LOXL4: variants seen among roughly 807,000 people sequenced by gnomAD.
LOXL4 encodes lysyl oxidase homolog 4.
In LOXL4, 72 loss-of-function variants were observed where a neutral mutation model predicts 89.1. The observed-to-expected ratio is 0.81, with a 90% CI of 0.67 to 0.98. The LOEUF is 0.98. Ranked by LOEUF, LOXL4 falls within the 50% of genes least tolerant of loss-of-function variation. The pLI is 0.00. For synonymous variants in LOXL4, 355 were observed against 392.1 expected (o/e 0.91, Z 1.12); for missense variants, 984 against 1,017.5 (o/e 0.97, Z 0.45).
At chr10:98,264,467 A>G (rs1415333130) in intron 1 of LOXL4, among the ~76,000 whole-genome samples, 1 of 151,514 alleles carries the variant, frequency 6.6e-6, no homozygotes, top group Admixed American at 6.6e-5. Context: ...GCTGGGGCCA[A>G]TGATCAAGGG....
rs145270262 is a variant in LOXL4 at position 98,253,568 on chromosome 10, C to T, written c.1820G>A (p.Trp607Ter). ...RPKTGRDSWV[W>*]HQCHRHYHSI... ...AGGCTCTAACCTGTGGCACTGGTGCCAAACCCAGCTATCGCGTCCAGTCTT... is the reference window on the plus strand; with the variant it reads ...AGGCTCTAACCTGTGGCACTGGTGCTAAACCCAGCTATCGCGTCCAGTCTT... The change falls in exon 11 of 15, where the codon TGG (tryptophan) becomes TAG (stop). Residue 607 changes from tryptophan to a stop codon, truncating the protein, a stop_gained. Coordinates refer to ENST00000260702, the MANE Select transcript of LOXL4 (RefSeq NM_032211.7). LOFTEE classifies it high-confidence loss of function. 125 of 1,614,136 alleles carry T rather than the reference C, an allele frequency of 7.7e-5. No individual in the cohort carries two copies. Among genetic ancestry groups the T allele is most frequent in the Non-Finnish European group, 1.0e-4 (122 of 1,180,060 alleles).
In LOXL4 at chr10:98,255,619, G is replaced by A. The variant is rs1858334860; in HGVS notation, c.1549C>T (p.His517Tyr). ...CCAGCCAGGAAGCGCCCGCCACCGT[G>A]GGAGCAGTGCACCGGCCCGTGCCTC... The part of the protein sequence containing the change: ...CQRHGPVHCS[H>Y]GGGRFLAGVS... Residue 517 changes from histidine (H) to tyrosine (Y), a missense_variant, in exon 10 of 15, where the codon CAC becomes TAC. Coordinates refer to ENST00000260702, the MANE Select transcript of LOXL4 (RefSeq NM_032211.7). 1 of 1,612,408 alleles carries A rather than the reference G, an allele frequency of 6.2e-7. No individual in the cohort carries two copies. Among genetic ancestry groups the A allele is most frequent in the East Asian group, 2.2e-5 (1 of 44,806 alleles).
In LOXL4 at chr10:98,260,950, C is replaced by T. The variant is rs1194025376; in HGVS notation, c.634G>A (p.Glu212Lys). 7.4e-6 allele frequency: 12 copies of T among 1,612,932 alleles called. No homozygotes were observed. In the East Asian group the frequency reaches 1.1e-4, roughly 15 times the overall value. The change falls in exon 4 of 15, where the codon GAG (glutamate) becomes AAG (lysine). Residue 212 changes from glutamate to lysine, a missense_variant. Physicochemically the swap from Glu to Lys is moderately conservative, Grantham distance 56. Transcript: ENST00000260702. ...TAGTAGTGGCTGTCGACAGGCACCT[C>T]GCTGGGGAAGCCCAGCATCCCGCAC... is the stretch of plus-strand genomic sequence containing the variant. ...VVCGMLGFPS[E>K]VPVDSHYYRK...
intron 14 of LOXL4, among the ~76,000 whole-genome samples, chr10:98,250,007 T>C (rs1858142943): frequency 6.6e-6 from 1 of 152,188 alleles, no homozygotes; most frequent in Non-Finnish European, 1.5e-5. Flanking sequence ...TAAAATCCAT[T>C]ATCTTAGAAC....
intron 10 of LOXL4, 72 bp from the exon 11 acceptor site, chr10:98,253,868 GGC>G: frequency 6.3e-7 from 1 of 1,588,598 alleles, no homozygotes; most frequent in Non-Finnish European, 8.6e-7. Flanking sequence ...CAGCACAGAG[GGC>G]AAGCTTGCCC....
intron 14 of LOXL4, 66 bp from the exon 15 acceptor site, chr10:98,249,057 A>C: frequency 8.3e-7 from 1 of 1,209,894 alleles, no homozygotes; most frequent in Non-Finnish European, 1.2e-6. Context: ...CTGACAACTT[A>C]CATAGATCCA....
Position 98,258,060 on chromosome 10 carries a change from G to A in LOXL4, c.1026C>T (p.Leu342=). The A allele has an allele frequency of 6.2e-7, 1 of 1,613,806 alleles. No homozygotes were observed. The highest frequency in any genetic ancestry group is 8.5e-7 in the Non-Finnish European group (1 of 1,180,036). The change falls in exon 7 of 15, where the codon CTC becomes CTT. Residue 342 remains leucine (L), a synonymous_variant. Coordinates refer to ENST00000260702, the MANE Select transcript of LOXL4 (RefSeq NM_032211.7). ...GACGACACACGACACTGGCAGAGATGAGGTTCCACCTGTGGTCACAGACCG... is the reference window on the plus strand; with the variant it reads ...GACGACACACGACACTGGCAGAGATAAGGTTCCACCTGTGGTCACAGACCG... ...WGTVCDHRWN[L]ISASVVCRQL...
At position 98,257,967 on chromosome 10, in the gene LOXL4, G is replaced by A; in HGVS notation, c.1105+14C>T. On this transcript the variant is annotated intron_variant, in intron 7 of 14. Coordinates refer to ENST00000260702, the MANE Select transcript of LOXL4 (RefSeq NM_032211.7). ...ATCCAGGCCTTCTAACCCCTCCCAG[G>A]CTGTCTCACTCACCTTGGCCCAGCC... 1.2e-6 allele frequency: 2 copies of A among 1,612,930 alleles called. No individual in the cohort carries two copies. Among genetic ancestry groups the A allele is most frequent in the Non-Finnish European group, 8.5e-7 (1 of 1,179,406 alleles).
intron 9 of LOXL4, chr10:98,256,002 C>A (rs1858351305): frequency 5.1e-6 from 2 of 391,806 alleles, no homozygotes; most frequent in Admixed American, 4.1e-5. Flanking sequence ...CCTCTCTCTT[C>A]CAGATGGCAG....
At position 98,248,952 on chromosome 10, in the gene LOXL4, T is replaced by G; in HGVS notation, c.2240A>C (p.Gln747Pro). 1 of 1,613,980 alleles carries G rather than the reference T, an allele frequency of 6.2e-7. No homozygotes were observed. Among genetic ancestry groups the G allele is most frequent in the Non-Finnish European group, 8.5e-7 (1 of 1,179,948 alleles). ...GAGGTTGTTCCTGAGACGCTGTTCC[T>G]GCTCCAGGGAGAGTTCTGCATTGGC... ...YPANAELSLE[Q>P]EQRLRNNLI The change falls in exon 15 of 15, where the codon CAG (glutamine) becomes CCG (proline). Residue 747 changes from glutamine (Q) to proline (P), a missense_variant. Physicochemically the swap from Gln to Pro is moderately conservative, Grantham distance 76. Coordinates refer to ENST00000260702, the MANE Select transcript of LOXL4 (RefSeq NM_032211.7).
chr10:98,250,384 A>G (rs771315949), intron 14 of LOXL4, among the ~76,000 whole-genome samples: 1 of 152,224 alleles, frequency 6.6e-6, no homozygotes, highest in Non-Finnish European at 1.5e-5. Context: ...TTTCTGGGGC[A>G]CAGCGTTCAA....
In LOXL4 at chr10:98,248,782, A is replaced by G; in HGVS notation, c.*139T>C. 1 of 729,760 alleles carries G rather than the reference A, an allele frequency of 1.4e-6. No homozygotes were observed. The allele number at this position is 729,760 out of a possible 1,614,324, so 45.2% of individuals were successfully genotyped here. A position where few individuals can be genotyped will look rare whatever the true frequency, so the allele number is the denominator to read the frequency against. On this transcript the variant is annotated 3_prime_UTR_variant, in exon 15 of 15. Coordinates refer to ENST00000260702, the MANE Select transcript of LOXL4 (RefSeq NM_032211.7). ...CATCTGGATTGGTGATCTTGCCATC[A>G]AAAGGCTTCCTGAGCAGGTTCTTGG...
At chr10:98,266,264 G>A (rs1197135472) in intron 1 of LOXL4, among the ~76,000 whole-genome samples, 5 of 152,216 alleles carry the variant, frequency 3.3e-5, no homozygotes, top group Admixed American at 3.3e-4. Context: ...GAGTTGGAAT[G>A]CTTCTATCTC....
chr10:98,263,705 CT>C (rs1228080910), intron 1 of LOXL4, among the ~76,000 whole-genome samples: 9 of 151,320 alleles, frequency 5.9e-5, no homozygotes, highest in African/African-American at 2.2e-4. Context: ...GGTCCTGACT[CT>C]TTCTTTCTTT....
intron 2 of LOXL4, 78 bp from the exon 3 acceptor site, chr10:98,262,291 C>T: frequency 2.0e-6 from 3 of 1,471,676 alleles, no homozygotes; most frequent in South Asian, 1.2e-5. Context: ...GGACCCCACA[C>T]TTACCAAGTC....
chr10:98,265,734 C>T (rs1016915549), intron 1 of LOXL4, among the ~76,000 whole-genome samples: 1 of 152,170 alleles, frequency 6.6e-6, no homozygotes, highest in Non-Finnish European at 1.5e-5. Context: ...GTGACAGCGA[C>T]GATAGAACCG....
chr10:98,255,651 T>G lies in LOXL4; in HGVS notation c.1517A>C (p.Gln506Pro). The change falls in exon 10 of 15, where the codon CAG becomes CCG. Residue 506 changes from glutamine (Q) to proline (P), a missense_variant. Physicochemically the swap from Gln to Pro is moderately conservative, Grantham distance 76. Transcript: ENST00000260702. ...GTGCACCGGCCCGTGCCTCTGGCAC[T>G]GCTGCAGGGCCAGCTCTGTGCCTGA... The part of the protein sequence containing the change: ...RCSGTELALQ[Q>P]CQRHGPVHCS... 1 of 1,613,684 alleles carries G rather than the reference T, an allele frequency of 6.2e-7. No homozygotes were observed. The highest frequency in any genetic ancestry group is 8.5e-7 in the Non-Finnish European group (1 of 1,179,682).
intron 1 of LOXL4, among the ~76,000 whole-genome samples, chr10:98,266,599 G>A (rs1024889092): frequency 2.6e-5 from 4 of 152,172 alleles, no homozygotes; most frequent in Admixed American, 6.5e-5. Context: ...GCTGGAAGGT[G>A]GGGGGACGGC....
At chr10:98,249,072 G>T in intron 14 of LOXL4, 81 bp from the exon 15 acceptor site, 1 of 1,070,392 alleles carries the variant, frequency 9.3e-7, no homozygotes. Context: ...GATCCACTCT[G>T]CCCAGCTCAT....
Sources: gnomAD v4.1 joint callset for allele counts (sites outside exome capture counted in the v4.1 genomes callset) on GRCh38, gnomAD v4.1.1 for gene constraint, MANE v1.5 for transcripts, NCBI Gene and HGNC (gene_info 2026-07-23, HGNC 2026-07-21) for gene names.